KIF25: variants seen among roughly 807,000 people sequenced by gnomAD.
The protein encoded by KIF25 is kinesin family member 25.
In KIF25, 19 loss-of-function variants were observed where a neutral mutation model predicts 32.9. The ratio of observed to expected loss-of-function variants is 0.58; its 90% CI spans 0.40 to 0.85. The LOEUF is 0.85. KIF25 is among the 40% of genes least tolerant of loss of function. The pLI, the probability that KIF25 is intolerant of heterozygous loss-of-function variation, is 0.00. For synonymous variants in KIF25, 225 were observed against 213.7 expected (o/e 1.05, Z -0.46); for missense variants, 485 against 507.0 (o/e 0.96, Z 0.42).
chr6:168,006,005 G>A (rs1046371720), intron 4 of KIF25, among the ~76,000 whole-genome samples: 1 of 152,180 alleles, frequency 6.6e-6, no homozygotes, highest in African/African-American at 2.4e-5. Context: ...CGGCTCTCAT[G>A]GGAGGGTCAG....
At chr6:168,013,201 G>A (rs558085981) in intron 4 of KIF25, among the ~76,000 whole-genome samples, 56 of 151,922 alleles carry the variant, frequency 3.7e-4, no homozygotes, top group African/African-American at 1.2e-3. Context: ...CCACTAGGAG[G>A]CTCAGGTGCC....
At chr6:168,016,923 G>A (rs1365387762) in intron 4 of KIF25, among the ~76,000 whole-genome samples, 1 of 152,250 alleles carries the variant, frequency 6.6e-6, no homozygotes, top group African/African-American at 2.4e-5. Flanking sequence ...TTCCGTCATT[G>A]CTTCCTGAGC....
chr6:168,020,647 C>T lies in KIF25; in HGVS notation c.-95+2607C>T, dbSNP rs78762796. Among the ~76,000 whole-genome samples the T allele has an allele frequency of 3.4e-3, 521 of 152,016 alleles. 4 individuals are homozygous for T. The highest frequency in any genetic ancestry group is 0.012 in the African/African-American group (498 of 41,468). On this transcript the variant is annotated intron_variant, in intron 5 of 12. Transcript: ENST00000643607. ...ATTTGGTATGTTAGGCGATAGAATC[C>T]GATTGCAGGCAGCCTCTAAGTTACA...
chr6:168,024,295 C>A (rs146626053), intron 5 of KIF25, among the ~76,000 whole-genome samples: 119 of 151,882 alleles, frequency 7.8e-4, no homozygotes, highest in Non-Finnish European at 1.4e-3. Flanking sequence ...ACTTGTGGAA[C>A]TTTGCTTCCT....
chr6:168,033,494 C>T (rs1456325195), intron 7 of KIF25, among the ~76,000 whole-genome samples: 10 of 128,820 alleles, frequency 7.8e-5, no homozygotes, highest in East Asian at 2.5e-4. Context: ...AGCAAGAATC[C>T]GTCTCAAAAA....
chr6:168,007,060 ATAATT>A (rs1164783385), intron 4 of KIF25, among the ~76,000 whole-genome samples: 3 of 152,246 alleles, frequency 2.0e-5, no homozygotes, highest in Non-Finnish European at 4.4e-5. Context: ...CTACAACATG[ATAATT>A]TAATATACAG....
chr6:168,012,169 T>C (rs1798655685), intron 4 of KIF25, among the ~76,000 whole-genome samples: 1 of 152,224 alleles, frequency 6.6e-6, no homozygotes. Flanking sequence ...GAATTCTTTT[T>C]CTGGTATTTC....
At chr6:168,002,885 A>G (rs1798527212) in intron 3 of KIF25, among the ~76,000 whole-genome samples, 1 of 152,218 alleles carries the variant, frequency 6.6e-6, no homozygotes, top group African/African-American at 2.4e-5. Context: ...CAGGCATCAG[A>G]GTCTCATAAG....
At chr6:168,035,841 C>T in intron 8 of KIF25, 4 of 445,958 alleles carry the variant, frequency 9.0e-6, no homozygotes, top group Non-Finnish European at 1.8e-5. Flanking sequence ...CTCCCTACAC[C>T]TCACCTTCGT....
At chr6:168,040,248 AG>A in intron 10 of KIF25, 32 bp downstream of exon 10, 5 of 1,585,234 alleles carry the variant, frequency 3.2e-6, no homozygotes, top group Non-Finnish European at 4.3e-6. Flanking sequence ...GTCAGTGGCA[AG>A]TAATAGAAAA....
At chr6:167,998,988 G>A (rs767070798) in intron 1 of KIF25, 104 bp from the exon 2 acceptor site, 124 of 152,372 alleles carry the variant, frequency 8.1e-4, no homozygotes, top group Non-Finnish European at 1.2e-3. Context: ...GGAGGCGGAG[G>A]TCGCAGTGAG....
chr6:168,016,012 G>A (rs751961691), intron 4 of KIF25, among the ~76,000 whole-genome samples: 4 of 152,174 alleles, frequency 2.6e-5, no homozygotes, highest in African/African-American at 4.8e-5. Flanking sequence ...TTCCTGTACG[G>A]TTCATACTGG....
In KIF25 at chr6:168,021,291, AC is replaced by A. The variant is rs1798783920; in HGVS notation, c.-95+3254del. ...GAATTTTTCTGGAAGAGCAGGAGAAACCCATTTTCTATAAAATATCTGTCCC... is the reference window on the plus strand; with the variant it reads ...GAATTTTTCTGGAAGAGCAGGAGAAACCATTTTCTATAAAATATCTGTCCC... On this transcript the variant is annotated intron_variant, in intron 5 of 12. Transcript: ENST00000643607. Among the ~76,000 whole-genome samples the A allele has an allele frequency of 2.0e-5, 3 of 152,208 alleles. No individual in the cohort carries two copies. The South Asian group carries it at 6.2e-4, about 32-fold the overall frequency.
intron 4 of KIF25, among the ~76,000 whole-genome samples, chr6:168,016,367 G>A (rs1026158681): frequency 6.6e-6 from 1 of 152,238 alleles, no homozygotes; most frequent in African/African-American, 2.4e-5. Context: ...AAGCCGTGCC[G>A]GAGCACGAGC....
intron 11 of KIF25, 102 bp from the exon 12 acceptor site, chr6:168,042,459 C>G: frequency 7.0e-7 from 1 of 1,423,082 alleles, no homozygotes; most frequent in East Asian, 2.3e-5. Context: ...CCATGGCCTC[C>G]CCTCTACCTG....
rs577504004 is a variant in KIF25 at position 168,035,175 on chromosome 6, T to A, written c.317+1144T>A. Among the ~76,000 whole-genome samples the A allele has an allele frequency of 5.9e-4, 89 of 151,808 alleles. 3 individuals carry two copies. The Middle Eastern group carries it at 0.014, about 23-fold the overall frequency. ...ACCCCCCGCCGCGTCTCTTCTCGTCTGTGAGAGCGGGGACACCACGGTGGA... is the reference window on the plus strand; with the variant it reads ...ACCCCCCGCCGCGTCTCTTCTCGTCAGTGAGAGCGGGGACACCACGGTGGA... On this transcript the variant is annotated intron_variant, in intron 8 of 12. Transcript: ENST00000643607.
chr6:168,016,754 G>C (rs1798719958), intron 4 of KIF25, among the ~76,000 whole-genome samples: 1 of 152,226 alleles, frequency 6.6e-6, no homozygotes, highest in Non-Finnish European at 1.5e-5. Context: ...CAGGTGGGAG[G>C]GGTGCTGGAC....
intron 12 of KIF25, among the ~76,000 whole-genome samples, chr6:168,043,765 C>G (rs1221270078): frequency 6.6e-6 from 1 of 152,254 alleles, no homozygotes; most frequent in Admixed American, 6.5e-5. Context: ...CTCATGGAGC[C>G]CTGGCCTTGG....
chr6:168,039,955 G>T, intron 9 of KIF25, 110 bp from the exon 10 acceptor site: 1 of 1,323,220 alleles, frequency 7.6e-7, no homozygotes, highest in Non-Finnish European at 1.0e-6. Context: ...GTACCCCACT[G>T]GCACGCGTGG....
Sources: allele counts gnomAD v4.1 joint callset (sites outside exome capture counted in the v4.1 genomes callset), GRCh38; gene constraint gnomAD v4.1.1; transcripts MANE v1.5; gene names NCBI Gene and HGNC (gene_info 2026-07-23, HGNC 2026-07-21).